The following ALPK1 variants were observed in gnomAD, a reference collection of about 807,000 sequenced individuals.
The protein encoded by ALPK1 is alpha-protein kinase 1.
ALPK1 carries 110 observed loss-of-function variants against 120.6 expected under a neutral mutation model. That is an observed-to-expected ratio of 0.91 (90% CI 0.78 to 1.07). The LOEUF (loss-of-function observed/expected upper bound fraction) is 1.07, where lower values mean the gene tolerates loss of function less well. Ranked by LOEUF, ALPK1 falls within the 50% of genes least tolerant of loss-of-function variation. The probability of loss-of-function intolerance (pLI) is 0.00; values close to 1 mark genes in which losing one functional copy is unlikely to be tolerated. For missense variants in ALPK1, 1,498 were observed against 1,483.9 expected, an observed-to-expected ratio of 1.01 and a Z score of -0.16; for synonymous variants, 582 against 560.3, an observed-to-expected ratio of 1.04 and a Z score of -0.55.
chr4:112,397,838 T>C (rs1732727616), intron 4 of ALPK1, among the ~76,000 whole-genome samples: 2 of 152,142 alleles, frequency 1.3e-5, no homozygotes, highest in Non-Finnish European at 2.9e-5. Flanking sequence ...ATATATATAT[T>C]CCTAGGTCTT....
rs534863001 is a variant in ALPK1 at position 112,343,752 on chromosome 4, C to T, written c.-101+27900C>T. On this transcript the variant is annotated intron_variant, in intron 2 of 15. Coordinates refer to ENST00000650871, the MANE Select transcript of ALPK1 (RefSeq NM_025144.4). Reference sequence around the variant, plus strand: ...CTCCCAACCCCCACCCTTTCCCCCCCTTCTCCCCCCTACCCCCGTTAATTG... The same window carrying T: ...CTCCCAACCCCCACCCTTTCCCCCCTTTCTCCCCCCTACCCCCGTTAATTG... Among the ~76,000 whole-genome samples, 94 of 146,842 alleles carry T rather than the reference C, an allele frequency of 6.4e-4. 1 individual carries two copies. The East Asian group carries it at 0.015, about 24-fold the overall frequency.
intron 2 of ALPK1, among the ~76,000 whole-genome samples, chr4:112,374,934 A>G (rs1230940799): frequency 6.6e-6 from 1 of 152,204 alleles, no homozygotes; most frequent in Non-Finnish European, 1.5e-5. Context: ...GAGTAGATTT[A>G]GTATAATTCT....
At chr4:112,400,930 C>T (rs1252728451) in intron 4 of ALPK1, among the ~76,000 whole-genome samples, 1 of 152,128 alleles carries the variant, frequency 6.6e-6, no homozygotes, top group Non-Finnish European at 1.5e-5. Flanking sequence ...GTGTTTCATC[C>T]ACAGAAGGGA....
rs563333691 is a variant in ALPK1, at chr4:112,399,147, A to G, written c.277-12680A>G. 2.1e-4 allele frequency among the ~76,000 whole-genome samples: 32 copies of G among 152,270 alleles called. No homozygotes were observed. In the East Asian group the frequency reaches 6.0e-3, roughly 28 times the overall value. ...ATCATCAGTGTTGATATTTAAGGCC[A>G]TGGTACAGGCTGAGTGTCCCTGGAG... On this transcript the variant is annotated intron_variant, in intron 4 of 15. Transcript: ENST00000650871.
chr4:112,382,707 T>C, intron 4 of ALPK1, 155 bp downstream of exon 4: 1 of 1,065,476 alleles, frequency 9.4e-7, no homozygotes, highest in Non-Finnish European at 1.4e-6. Flanking sequence ...GAAATAGCTG[T>C]TTGAAAAACA....
intron 2 of ALPK1, among the ~76,000 whole-genome samples, chr4:112,323,314 T>C (rs1544383): frequency 0.44 from 67,610 of 152,006 alleles, 17,086 homozygotes; most frequent in African/African-American, 0.66. Context: ...ACAATCATTC[T>C]TTGCCCATTC....
chr4:112,439,847 T>C lies in ALPK1; in HGVS notation c.3513T>C (p.His1171=). The C allele has an allele frequency of 1.2e-6, 2 of 1,610,048 alleles. No homozygotes were observed. The highest frequency in any genetic ancestry group is 8.5e-7 in the Non-Finnish European group (1 of 1,179,058). Residue 1171 remains histidine (H), a synonymous_variant, in exon 14 of 16, where the codon CAT becomes CAC. Coordinates refer to ENST00000650871, the MANE Select transcript of ALPK1 (RefSeq NM_025144.4). ...ATTTTTCTTATGAGTTTTCTAATCA[T>C]AGAGATGTTGTGGTCGATTTACAAG... ...YGHFSYEFSN[H]RDVVVDLQGW...
chr4:112,394,569 G>A (rs1046253972), intron 4 of ALPK1, among the ~76,000 whole-genome samples: 1 of 152,072 alleles, frequency 6.6e-6, no homozygotes, highest in African/African-American at 2.4e-5. Flanking sequence ...AATCACCAAG[G>A]ATTTAAACCC....
rs72896930 is a variant in ALPK1 at position 112,348,878 on chromosome 4, C to T, written c.-100-28800C>T. ...TAAATAAAGAGCTTTGTGTGTGTCTCGGAGCAAAGGAGAAGATGAGGGGCT... is the reference window on the plus strand; with the variant it reads ...TAAATAAAGAGCTTTGTGTGTGTCTTGGAGCAAAGGAGAAGATGAGGGGCT... On this transcript the variant is annotated intron_variant, in intron 2 of 15. Transcript: ENST00000650871. 3.6e-3 allele frequency among the ~76,000 whole-genome samples: 550 copies of T among 152,238 alleles called. 4 individuals are homozygous for T. Among genetic ancestry groups the T allele is most frequent in the African/African-American group, 0.012 (503 of 41,544 alleles).
At position 112,316,021 on chromosome 4, in the gene ALPK1, A is replaced by T. The variant is rs892355439; in HGVS notation, c.-101+169A>T. 4.6e-5 allele frequency: 7 copies of T among 152,368 alleles called. No individual in the cohort carries two copies. In the South Asian group the frequency reaches 6.2e-4, roughly 14 times the overall value. 9.4% of individuals were successfully genotyped at this position (152,368 alleles called of 1,614,324 possible). On this transcript the variant is annotated intron_variant, in intron 2 of 15. Coordinates refer to ENST00000650871, the MANE Select transcript of ALPK1 (RefSeq NM_025144.4). Reference sequence around the variant, plus strand: ...TTCTGATTATTCTTCAATAATTTTTAAAAATTGTGGTAAAATACACATAAT... The same window carrying T: ...TTCTGATTATTCTTCAATAATTTTTTAAAATTGTGGTAAAATACACATAAT...
chr4:112,413,377 C>G (rs886843956), intron 5 of ALPK1, among the ~76,000 whole-genome samples: 1 of 152,178 alleles, frequency 6.6e-6, no homozygotes, highest in African/African-American at 2.4e-5. Flanking sequence ...ACGTTGACAG[C>G]TTTGCTTTTA....
At chr4:112,323,362 C>T (rs945160618) in intron 2 of ALPK1, among the ~76,000 whole-genome samples, 1 of 152,164 alleles carries the variant, frequency 6.6e-6, no homozygotes, top group Admixed American at 6.5e-5. Context: ...CAGATTCAGT[C>T]TTTTATTTCA....
chr4:112,416,892 A>C (rs1733770040), intron 5 of ALPK1, among the ~76,000 whole-genome samples: 1 of 151,670 alleles, frequency 6.6e-6, no homozygotes, highest in Admixed American at 6.6e-5. Flanking sequence ...AAAAAAAAAA[A>C]ACTTTTTAAA....
chr4:112,374,601 T>C (rs776472878), intron 2 of ALPK1, among the ~76,000 whole-genome samples: 5 of 152,328 alleles, frequency 3.3e-5, no homozygotes, highest in Non-Finnish European at 7.4e-5. Context: ...GAAATTACTA[T>C]AAAAGATATA....
At chr4:112,391,948 C>G (rs1483417317) in intron 4 of ALPK1, among the ~76,000 whole-genome samples, 1 of 143,504 alleles carries the variant, frequency 7.0e-6, no homozygotes, top group Non-Finnish European at 1.5e-5. Flanking sequence ...GAACAGAAGG[C>G]AAAATAAACC....
At chr4:112,430,059 G>A (rs147283752) in intron 10 of ALPK1, among the ~76,000 whole-genome samples, 2,520 of 152,216 alleles carry the variant, frequency 0.017, 30 homozygotes, top group Middle Eastern at 0.048. Context: ...AATGAATGAT[G>A]TATTCATATA....
chr4:112,322,563 A>G (rs1560636040), intron 2 of ALPK1, among the ~76,000 whole-genome samples: 2 of 152,230 alleles, frequency 1.3e-5, no homozygotes, highest in Non-Finnish European at 2.9e-5. Flanking sequence ...TACTGAGGTT[A>G]TAGAAGGGAA....
intron 2 of ALPK1, chr4:112,357,441 G>T: frequency 1.4e-6 from 1 of 705,526 alleles, no homozygotes. Context: ...TCTGATGCCT[G>T]GAGCACCACT....
chr4:112,421,840 C>T (rs928746036), intron 5 of ALPK1, among the ~76,000 whole-genome samples: 3 of 152,196 alleles, frequency 2.0e-5, no homozygotes, highest in African/African-American at 7.2e-5. Flanking sequence ...GAGGATGCAT[C>T]CTTACCATAG....
Sources: allele counts gnomAD v4.1 joint callset (sites outside exome capture counted in the v4.1 genomes callset), GRCh38; gene constraint gnomAD v4.1.1; transcripts MANE v1.5; gene names NCBI Gene and HGNC (gene_info 2026-07-23, HGNC 2026-07-21).